Variants in MSI2 observed in about 807,000 individuals in gnomAD.
MSI2 encodes musashi RNA binding protein 2.
A neutral mutation model predicts 45.6 loss-of-function variants in MSI2; 17 were observed. The ratio of observed to expected loss-of-function variants is 0.37; its 90% CI spans 0.26 to 0.56. The LOEUF is 0.56. Among genes scored for constraint, MSI2 ranks in the 20% least tolerant of loss-of-function variants. The pLI is 0.77. For missense variants in MSI2, 293 were observed against 444.2 expected (o/e 0.66, Z 3.06); for synonymous variants, 156 against 158.2 (o/e 0.99, Z 0.11).
intron 10 of MSI2, among the ~76,000 whole-genome samples, chr17:57,650,872 G>A (rs972553572): frequency 2.6e-5 from 4 of 152,066 alleles, no homozygotes; most frequent in East Asian, 1.9e-4. Flanking sequence ...TGCCCTTGAC[G>A]GTGCATGTCT....
intron 7 of MSI2, among the ~76,000 whole-genome samples, chr17:57,537,127 G>A (rs777990277): frequency 1.1e-4 from 17 of 152,212 alleles, no homozygotes; most frequent in Admixed American, 2.6e-4. Flanking sequence ...GCACACTTGA[G>A]TTAGAACAAG....
intron 5 of MSI2, 44 bp downstream of exon 5, chr17:57,262,236 A>G: frequency 1.3e-6 from 2 of 1,598,822 alleles, no homozygotes; most frequent in Non-Finnish European, 1.7e-6. Context: ...CTCAGAGATG[A>G]TTGCCAAGAA....
At position 57,627,023 on chromosome 17, in the gene MSI2, G is replaced by A; in HGVS notation, c.653-206G>A. ...TGCGGGGTCTGGCTGCCCAAATATG[G>A]GTTAATTAGCAACAGCTGACAGCAG... On this transcript the variant is annotated intron_variant, in intron 9 of 13. Coordinates refer to ENST00000284073, the MANE Select transcript of MSI2 (RefSeq NM_138962.4). This position sits in a 1 kb window ranked among gnomAD's most constrained non-coding sequence, Gnocchi z 4.6. 1 of 605,716 alleles carries A rather than the reference G, an allele frequency of 1.7e-6. No individual in the cohort carries two copies. The highest frequency in any genetic ancestry group is 2.9e-6 in the Non-Finnish European group (1 of 339,266). The allele number at this position is 605,716 out of a possible 1,614,324, so 37.5% of individuals were successfully genotyped here.
intron 5 of MSI2, among the ~76,000 whole-genome samples, chr17:57,362,913 G>A (rs1427422763): frequency 6.6e-6 from 1 of 152,192 alleles, no homozygotes; most frequent in Non-Finnish European, 1.5e-5. Flanking sequence ...GTTGCTGATG[G>A]AAATATAAAA....
intron 11 of MSI2, among the ~76,000 whole-genome samples, chr17:57,670,103 C>T (rs1912673039): frequency 6.6e-6 from 1 of 152,228 alleles, no homozygotes; most frequent in East Asian, 1.9e-4. Flanking sequence ...CATTTGCTTT[C>T]TCTGAATCGG....
chr17:57,444,703 C>T (rs909432470), intron 6 of MSI2: 13 of 152,246 alleles, frequency 8.5e-5, no homozygotes, highest in Non-Finnish European at 1.8e-4. Flanking sequence ...AACTTTGTCC[C>T]TGGAAGGGCA....
intron 8 of MSI2, among the ~76,000 whole-genome samples, chr17:57,610,234 C>A (rs976698057): frequency 6.6e-6 from 1 of 152,054 alleles, no homozygotes; most frequent in Non-Finnish European, 1.5e-5. Context: ...GGGAAGATCA[C>A]GAGGTCAGGA....
chr17:57,577,427 C>T (rs1029348924), intron 7 of MSI2, among the ~76,000 whole-genome samples: 2 of 152,208 alleles, frequency 1.3e-5, no homozygotes, highest in African/African-American at 4.8e-5. Context: ...CGTCCCATTT[C>T]CAGACCCATA....
chr17:57,577,586 A>C (rs2088084186), intron 7 of MSI2, among the ~76,000 whole-genome samples: 1 of 152,262 alleles, frequency 6.6e-6, no homozygotes, highest in African/African-American at 2.4e-5. Flanking sequence ...AAATGAAAAA[A>C]ATTAAAAAGA....
At position 57,280,355 on chromosome 17, in the gene MSI2, G is replaced by A. The variant is rs7223877; in HGVS notation, c.312+18163G>A. ...GTGGGTACCCCAGGGGGCTGTGGGGGAATCAGTGAGTAAGTTGTTGTGGTG... is the reference window on the plus strand; with the variant it reads ...GTGGGTACCCCAGGGGGCTGTGGGGAAATCAGTGAGTAAGTTGTTGTGGTG... On this transcript the variant is annotated intron_variant, in intron 5 of 13. Transcript: ENST00000284073. This position sits in a 1 kb window ranked among gnomAD's most constrained non-coding sequence, Gnocchi z 4.2. 0.37 allele frequency among the ~76,000 whole-genome samples: 56,149 copies of A among 151,930 alleles called. 12,965 individuals carry two copies. Among genetic ancestry groups the A allele is most frequent in the African/African-American group, 0.65 (26,895 of 41,328 alleles).
intron 7 of MSI2, among the ~76,000 whole-genome samples, chr17:57,543,197 A>G (rs1165440351): frequency 6.6e-6 from 1 of 152,180 alleles, no homozygotes; most frequent in Non-Finnish European, 1.5e-5. Flanking sequence ...GACCTAAAGA[A>G]ATGATCTGGG....
intron 6 of MSI2, among the ~76,000 whole-genome samples, chr17:57,516,139 A>G (rs1206322041): frequency 2.0e-5 from 3 of 152,166 alleles, no homozygotes; most frequent in Non-Finnish European, 2.9e-5. Context: ...TACAATCAGG[A>G]TATATAATAG....
At chr17:57,350,855 A>G (rs544261746) in intron 5 of MSI2, among the ~76,000 whole-genome samples, 1 of 152,124 alleles carries the variant, frequency 6.6e-6, no homozygotes, top group Non-Finnish European at 1.5e-5. Context: ...CAGACACCTC[A>G]TGGGAGGGGG....
chr17:57,439,559 CTTT>C (rs758957801), intron 6 of MSI2, among the ~76,000 whole-genome samples: 29 of 137,196 alleles, frequency 2.1e-4, no homozygotes, highest in African/African-American at 2.4e-4. Flanking sequence ...TAGGCTTTGT[CTTT>C]TTTTTTTTTT....
chr17:57,299,973 T>G (rs1911295227), intron 5 of MSI2, among the ~76,000 whole-genome samples: 1 of 152,192 alleles, frequency 6.6e-6, no homozygotes, highest in South Asian at 2.1e-4. Context: ...AACTAAGGCC[T>G]TCGGGGATGC....
intron 6 of MSI2, among the ~76,000 whole-genome samples, chr17:57,459,881 C>T (rs1176922198): frequency 1.3e-5 from 2 of 151,968 alleles, no homozygotes; most frequent in Non-Finnish European, 2.9e-5. Context: ...GTAATCTCAG[C>T]ACTTTGGAAG....
intron 6 of MSI2, among the ~76,000 whole-genome samples, chr17:57,478,759 G>T (rs1316922606): frequency 6.6e-6 from 1 of 152,172 alleles, no homozygotes; most frequent in Admixed American, 6.5e-5. Context: ...TTGGCCATGG[G>T]CAAGAGGCCA....
At chr17:57,447,183 C>T (rs1370121927) in intron 6 of MSI2, among the ~76,000 whole-genome samples, 2 of 152,200 alleles carry the variant, frequency 1.3e-5, no homozygotes, top group African/African-American at 4.8e-5. Context: ...AACTCCTGGG[C>T]TCAAGTGATC....
At chr17:57,586,360 T>A (rs1567918138) in intron 7 of MSI2, among the ~76,000 whole-genome samples, 2 of 152,234 alleles carry the variant, frequency 1.3e-5, no homozygotes, top group African/African-American at 4.8e-5. Flanking sequence ...TCTCTCTCTC[T>A]CTCTCTTTTC....
Sources: allele counts gnomAD v4.1 joint callset (sites outside exome capture counted in the v4.1 genomes callset), GRCh38; gene constraint gnomAD v4.1.1; non-coding constraint Gnocchi (gnomAD v3.1); transcripts MANE v1.5; gene names NCBI Gene and HGNC (gene_info 2026-07-23, HGNC 2026-07-21).